Variants in RABL2B observed in about 807,000 individuals in gnomAD.
RABL2B encodes the protein RAB, member of RAS oncogene family like 2B, also known as rab-like protein 2B.
RABL2B carries 17 observed loss-of-function variants against 26.7 expected under a neutral mutation model. That is an observed-to-expected ratio of 0.64 (90% CI 0.44 to 0.95). RABL2B has a LOEUF of 0.95. RABL2B is among the 40% of genes least tolerant of loss of function. RABL2B has a pLI of 0.00. For missense variants in RABL2B, 170 were observed against 277.2 expected, an observed-to-expected ratio of 0.61 and a Z score of 2.75; for synonymous variants, 70 against 103.9, an observed-to-expected ratio of 0.67 and a Z score of 1.99.
In RABL2B at chr22:50,781,099, C is replaced by T. The variant is rs188718895; in HGVS notation, c.107+1089G>A. ...CTCATGCCTATAATCCCAGCACTTTCGGAGGCTGAGGTGGGCGGATCACAA... is the reference window on the plus strand; with the variant it reads ...CTCATGCCTATAATCCCAGCACTTTTGGAGGCTGAGGTGGGCGGATCACAA... On this transcript the variant is annotated intron_variant, in intron 2 of 8. Transcript: ENST00000691320. 1.9e-3 allele frequency among the ~76,000 whole-genome samples: 287 copies of T among 152,104 alleles called. 1 individual carries two copies. The highest frequency in any genetic ancestry group is 2.0e-3 in the Non-Finnish European group (139 of 67,988).
chr22:50,771,312 C>G (rs1250511781), intron 5 of RABL2B: 9 of 150,588 alleles, frequency 6.0e-5, no homozygotes, highest in African/African-American at 2.2e-4. Context: ...GCTCTGTTGC[C>G]CAGGCTGGAG....
At position 50,769,476 on chromosome 22, in the gene RABL2B, A is replaced by G. The variant is rs782046766; in HGVS notation, c.486T>C (p.Ala162=). Residue 162 remains alanine, a synonymous_variant, in exon 7 of 9, where the codon GCT becomes GCC. Transcript: ENST00000691320. ...ACACCTTCACAACATTGGTACCATC[A>G]GCAGCCGAGACGAAATACAGGGGCA... ...FSLPLYFVSA[A]DGTNVVKLFN... The G allele has an allele frequency of 6.8e-6, 11 of 1,612,124 alleles. No homozygotes were observed. The highest frequency in any genetic ancestry group is 8.5e-6 in the Non-Finnish European group (10 of 1,179,260).
intron 5 of RABL2B, among the ~76,000 whole-genome samples, chr22:50,774,396 TGATCTTGG>T (rs2084662041): frequency 6.6e-6 from 1 of 151,074 alleles, no homozygotes; most frequent in Non-Finnish European, 1.5e-5. Context: ...TTTGGATACT[TGATCTTGG>T]GATCTTGGCT....
chr22:50,782,103 C>G (rs2085981549), intron 2 of RABL2B, 85 bp downstream of exon 2: 2 of 755,006 alleles, frequency 2.6e-6, no homozygotes, highest in Non-Finnish European at 4.3e-6. Flanking sequence ...CCCCAAGAAG[C>G]CATGCTCCTC....
At chr22:50,782,587 T>C (rs1431980036) in intron 1 of RABL2B, among the ~76,000 whole-genome samples, 1 of 151,956 alleles carries the variant, frequency 6.6e-6, no homozygotes, top group Non-Finnish European at 1.5e-5. Flanking sequence ...GCACAAGACA[T>C]TCACCAGGCA....
intron 5 of RABL2B, among the ~76,000 whole-genome samples, chr22:50,773,479 C>G (rs1354181956): frequency 6.6e-6 from 1 of 152,028 alleles, no homozygotes; most frequent in Non-Finnish European, 1.5e-5. Flanking sequence ...CCTGGGCACT[C>G]CCAGCATCCT....
chr22:50,780,235 GA>G (rs574044803), intron 2 of RABL2B, among the ~76,000 whole-genome samples: 3,053 of 135,224 alleles, frequency 0.023, 91 homozygotes, highest in African/African-American at 0.075. Flanking sequence ...TGCTGCATGA[GA>G]AAAAAAAAAA....
chr22:50,776,911 C>T (rs1179889462), intron 3 of RABL2B, among the ~76,000 whole-genome samples, 162 bp from the exon 4 acceptor site: 3 of 152,068 alleles, frequency 2.0e-5, no homozygotes, highest in African/African-American at 7.2e-5. Flanking sequence ...ATCAGCTTCA[C>T]ATATCACTGG....
At chr22:50,775,223 G>GC (rs1283715428) in intron 5 of RABL2B, among the ~76,000 whole-genome samples, 4 of 152,136 alleles carry the variant, frequency 2.6e-5, no homozygotes, top group South Asian at 2.1e-4. Context: ...TCCTTTCTCA[G>GC]CCCTTTCCTC....
At chr22:50,783,119 G>A in intron 1 of RABL2B, 1 of 163,842 alleles carries the variant, frequency 6.1e-6, no homozygotes, top group Non-Finnish European at 1.3e-5. Context: ...CTTTTGTTTA[G>A]AGATAGGGTC....
At chr22:50,781,632 C>G (rs1407652228) in intron 2 of RABL2B, among the ~76,000 whole-genome samples, 1 of 152,176 alleles carries the variant, frequency 6.6e-6, no homozygotes, top group Non-Finnish European at 1.5e-5. Context: ...CATGTGCCCT[C>G]AGCAGTCCTA....
intron 2 of RABL2B, 29 bp from the exon 3 acceptor site, chr22:50,778,010 A>T: frequency 6.2e-7 from 1 of 1,614,058 alleles, no homozygotes; most frequent in African/African-American, 1.3e-5. Context: ...AGGTGGTCAG[A>T]TGGCGTCTCC....
chr22:50,778,302 C>T (rs2085296485), intron 2 of RABL2B, among the ~76,000 whole-genome samples: 1 of 150,880 alleles, frequency 6.6e-6, no homozygotes, highest in Non-Finnish European at 1.5e-5. Context: ...CAGGCCAAAG[C>T]TGCGCCTTCC....
chr22:50,769,197 G>A (rs1443403287), intron 7 of RABL2B, 73 bp from the exon 8 acceptor site: 1 of 592,650 alleles, frequency 1.7e-6, no homozygotes, highest in Non-Finnish European at 2.9e-6. Flanking sequence ...GCCCCACTGT[G>A]AGACTACACA....
intron 2 of RABL2B, chr22:50,780,728 C>T: frequency 2.1e-6 from 1 of 470,702 alleles, no homozygotes; most frequent in South Asian, 1.5e-5. Context: ...TCTGTGGAGG[C>T]CAATGTTATG....
intron 7 of RABL2B, 148 bp from the exon 8 acceptor site, chr22:50,769,272 T>C (rs2083782149): frequency 1.0e-5 from 8 of 774,114 alleles, no homozygotes; most frequent in Non-Finnish European, 1.7e-5. Context: ...CCCTGACCTA[T>C]GTATGGTCAA....
intron 2 of RABL2B, among the ~76,000 whole-genome samples, chr22:50,781,887 A>C (rs1603451687): frequency 2.9e-5 from 4 of 137,428 alleles, no homozygotes; most frequent in African/African-American, 8.3e-5. Context: ...TTCCATTCCC[A>C]CTCCCCGCCC....
At chr22:50,774,703 G>A (rs2084704174) in intron 5 of RABL2B, among the ~76,000 whole-genome samples, 1 of 150,836 alleles carries the variant, frequency 6.6e-6, no homozygotes, top group Non-Finnish European at 1.5e-5. Flanking sequence ...GTTTTCACTT[G>A]GTGACAATTG....
In RABL2B at chr22:50,767,982, C is replaced by T. The variant is rs538071900; in HGVS notation, c.*794G>A. 6.0e-4 allele frequency: 186 copies of T among 312,522 alleles called. No individual in the cohort carries two copies. Among genetic ancestry groups the T allele is most frequent in the African/African-American group, 3.9e-3 (171 of 43,430 alleles). The allele number at this position is 312,522 out of a possible 1,614,324, so 19.4% of individuals were successfully genotyped here. On this transcript the variant is annotated 3_prime_UTR_variant, in exon 9 of 9. Transcript: ENST00000691320. ...AAAAACAGATGATTGGGGCCGGGCG[C>T]GGTGGCTCATGCCTGTAATCCCAGC...
Sources: allele counts gnomAD v4.1 joint callset (sites outside exome capture counted in the v4.1 genomes callset), GRCh38; gene constraint gnomAD v4.1.1; transcripts MANE v1.5; gene names NCBI Gene and HGNC (gene_info 2026-07-23, HGNC 2026-07-21).